IGLL5: variants seen among roughly 807,000 people sequenced by gnomAD.
IGLL5 encodes immunoglobulin lambda like polypeptide 5.
Under a neutral mutation model 20.9 loss-of-function variants are expected in IGLL5, and 30 were observed. The ratio of observed to expected loss-of-function variants is 1.44; its 90% CI spans 1.07 to 1.95. The LOEUF is 1.95. Ranked by LOEUF, IGLL5 falls within the 30% of genes most tolerant of loss-of-function variation. The pLI, the probability that IGLL5 is intolerant of heterozygous loss-of-function variation, is 0.00. For synonymous variants in IGLL5, 203 were observed against 117.3 expected, an observed-to-expected ratio of 1.73 and a Z score of -4.72; for missense variants, 475 against 270.7, an observed-to-expected ratio of 1.75 and a Z score of -5.30.
chr22:22,888,610 G>C (rs2067622247), intron 1 of IGLL5, among the ~76,000 whole-genome samples: 5 of 151,354 alleles, frequency 3.3e-5, no homozygotes, highest in East Asian at 2.0e-4. Flanking sequence ...TGTCCCCACA[G>C]GGTGCCCAGG....
chr22:22,895,010 A>C (rs559040552), intron 2 of IGLL5, among the ~76,000 whole-genome samples: 2 of 151,170 alleles, frequency 1.3e-5, no homozygotes, highest in Admixed American at 6.6e-5. Context: ...TGGGTGATGG[A>C]GGGGGGTATA....
At chr22:22,894,716 C>A (rs1044734854) in intron 2 of IGLL5, among the ~76,000 whole-genome samples, 1 of 151,364 alleles carries the variant, frequency 6.6e-6, no homozygotes, top group Non-Finnish European at 1.5e-5. Flanking sequence ...GTGGGAGCAG[C>A]CCCAGGAACA....
rs139868103 is a variant in IGLL5, at chr22:22,894,589, G to T, written c.325+771G>T. ...TTCCTCAAAGGGCATGTTAGACTCA[G>T]GAAATGACCAGAGGGGAGTGAATGA... On this transcript the variant is annotated intron_variant, in intron 2 of 2. Coordinates refer to ENST00000526893, the MANE Select transcript of IGLL5 (RefSeq NM_001178126.2). Among the ~76,000 whole-genome samples, 2 of 151,410 alleles carry T rather than the reference G, an allele frequency of 1.3e-5. 1 individual carries two copies. The highest frequency in any genetic ancestry group is 2.9e-5 in the Non-Finnish European group (2 of 67,880).
chr22:22,888,420 C>G (rs189131650), intron 1 of IGLL5, among the ~76,000 whole-genome samples, 161 bp downstream of exon 1: 3 of 151,482 alleles, frequency 2.0e-5, no homozygotes, highest in Admixed American at 6.6e-5. Context: ...TTGTCCATCA[C>G]AGATTTGTTT....
chr22:22,888,467 T>C (rs530567279), intron 1 of IGLL5, among the ~76,000 whole-genome samples: 6 of 151,420 alleles, frequency 4.0e-5, no homozygotes, highest in East Asian at 2.0e-4. Context: ...CGATATTATT[T>C]TTCTTGATTT....
intron 1 of IGLL5, among the ~76,000 whole-genome samples, chr22:22,889,358 A>T (rs528441820): frequency 1.3e-5 from 2 of 151,106 alleles, no homozygotes; most frequent in Middle Eastern, 3.7e-3. Context: ...AAAAATGTAT[A>T]ACCATTTTAG....
At chr22:22,888,640 C>T (rs183456108) in intron 1 of IGLL5, among the ~76,000 whole-genome samples, 14 of 151,140 alleles carry the variant, frequency 9.3e-5, no homozygotes, top group South Asian at 4.2e-4. Context: ...CCCCCTCCTC[C>T]TCTCTGCCCA....
intron 2 of IGLL5, among the ~76,000 whole-genome samples, chr22:22,894,830 G>A (rs1487448697): frequency 1.3e-5 from 2 of 151,456 alleles, no homozygotes; most frequent in East Asian, 2.0e-4. Context: ...TCCTTGCCAG[G>A]AGAGCCAAGT....
Position 22,887,973 on chromosome 22 carries a change from T to C in IGLL5, c.-81T>C. On this transcript the variant is annotated 5_prime_UTR_variant, in exon 1 of 3. Coordinates refer to ENST00000526893, the MANE Select transcript of IGLL5 (RefSeq NM_001178126.2). ...CTGGGGTGTACTGTAACAGCCCTGC[T>C]GGCGAGAGGGACCAGGGCACCGTCC... 1.8e-6 allele frequency: 2 copies of C among 1,130,732 alleles called. No individual in the cohort carries two copies. The highest frequency in any genetic ancestry group is 1.3e-6 in the Non-Finnish European group (1 of 765,428). The allele number at this position is 1,130,732 out of a possible 1,614,324, so 70.0% of individuals were successfully genotyped here. A position where few individuals can be genotyped will look rare whatever the true frequency, so the allele number is the denominator to read the frequency against.
chr22:22,894,384 G>T (rs1348775104), intron 2 of IGLL5, among the ~76,000 whole-genome samples: 1 of 151,430 alleles, frequency 6.6e-6, no homozygotes, highest in Admixed American at 6.6e-5. Flanking sequence ...GGCCTGTGCT[G>T]GGTCATGAGG....
chr22:22,895,823 G>T lies in IGLL5; in HGVS notation c.*129G>T. 2.3e-6 allele frequency: 2 copies of T among 875,394 alleles called. No homozygotes were observed. Among genetic ancestry groups the T allele is most frequent in the South Asian group, 1.5e-5 (1 of 68,046 alleles). The allele number at this position is 875,394 out of a possible 1,614,324, so 54.2% of individuals were successfully genotyped here. A position where few individuals can be genotyped will look rare whatever the true frequency, so the allele number is the denominator to read the frequency against. On this transcript the variant is annotated 3_prime_UTR_variant, in exon 3 of 3. Transcript: ENST00000526893. ...TGAAACCCCAATAAATATCCTCATT[G>T]ACAACCAGAAATCTTGTTTTATCTC...
At chr22:22,893,875 CT>C in intron 2 of IGLL5, 57 bp downstream of exon 2, 1 of 1,204,654 alleles carries the variant, frequency 8.3e-7, no homozygotes, top group Non-Finnish European at 1.2e-6. Flanking sequence ...CCTGGAAAAT[CT>C]GTTTTCTCTC....
chr22:22,894,788 G>A (rs1008444132), intron 2 of IGLL5, among the ~76,000 whole-genome samples: 34 of 151,410 alleles, frequency 2.2e-4, no homozygotes, highest in African/African-American at 7.5e-4. Context: ...GAGCCTCAGA[G>A]GAGCCCTGAG....
At position 22,887,914 on chromosome 22, in the gene IGLL5, A is replaced by C; in HGVS notation, c.-140A>C. The stretch of plus-strand genomic sequence containing the variant: ...AGGGCCTGGGCTAGGGACAGGGACC[A>C]GAGCCAGTCCAGGGAGAGGACAGAG... On this transcript the variant is annotated 5_prime_UTR_variant, in exon 1 of 3. Coordinates refer to ENST00000526893, the MANE Select transcript of IGLL5 (RefSeq NM_001178126.2). 1.3e-6 allele frequency: 1 copy of C among 742,878 alleles called. No individual in the cohort carries two copies. The highest frequency in any genetic ancestry group is 2.4e-6 in the Non-Finnish European group (1 of 419,322). 46.0% of individuals were successfully genotyped at this position (742,878 alleles called of 1,614,324 possible).
intron 1 of IGLL5, among the ~76,000 whole-genome samples, chr22:22,888,701 A>C (rs535172103): frequency 6.6e-6 from 1 of 151,282 alleles, no homozygotes; most frequent in Non-Finnish European, 1.5e-5. Flanking sequence ...GAAGGCAGCA[A>C]GGGCTTGGTT....
At chr22:22,894,018 G>T (rs2067968590) in intron 2 of IGLL5, among the ~76,000 whole-genome samples, 200 bp downstream of exon 2, 1 of 149,602 alleles carries the variant, frequency 6.7e-6, no homozygotes, top group Non-Finnish European at 1.5e-5. Flanking sequence ...GCAGCCGGAT[G>T]CAGCCTGGTC....
At chr22:22,891,446 T>C (rs543637258) in intron 1 of IGLL5, among the ~76,000 whole-genome samples, 1 of 151,350 alleles carries the variant, frequency 6.6e-6, no homozygotes, top group Non-Finnish European at 1.5e-5. Flanking sequence ...AGCTTTATGG[T>C]ATGTTCGGTA....
intron 1 of IGLL5, among the ~76,000 whole-genome samples, chr22:22,889,479 T>C (rs2067724048): frequency 6.6e-6 from 1 of 151,210 alleles, no homozygotes; most frequent in Admixed American, 6.6e-5. Context: ...TGTAACCAAA[T>C]CTTTATAACA....
In IGLL5 at chr22:22,888,127, C is replaced by T. The variant is rs2145975567; in HGVS notation, c.74C>T (p.Pro25Leu). 2 of 1,549,752 alleles carry T rather than the reference C, an allele frequency of 1.3e-6. No individual in the cohort carries two copies. The highest frequency in any genetic ancestry group is 2.0e-5 in the Admixed American group (1 of 50,834). Residue 25 changes from proline to leucine, a missense_variant, in exon 1 of 3, where the codon CCC becomes CTC. Transcript: ENST00000526893. Reference sequence around the variant, plus strand: ...GGCCCTGGTCCCAGGCAGCGCTGGCCCCTGCTGCTGCTGGGTCTGGCCATG... The same window carrying T: ...GGCCCTGGTCCCAGGCAGCGCTGGCTCCTGCTGCTGCTGGGTCTGGCCATG... ...ELGPGPRQRW[P>L]LLLLGLAMVA... is the part of the protein sequence containing the mutation.
Sources: gnomAD v4.1 joint callset for allele counts (sites outside exome capture counted in the v4.1 genomes callset) on GRCh38, gnomAD v4.1.1 for gene constraint, MANE v1.5 for transcripts, NCBI Gene and HGNC (gene_info 2026-07-23, HGNC 2026-07-21) for gene names.